CYP39A1: variants seen among roughly 807,000 people sequenced by gnomAD.
The protein encoded by CYP39A1 is cytochrome P450 family 39 subfamily A member 1.
Under a neutral mutation model 58.1 loss-of-function variants are expected in CYP39A1, and 49 were observed. That is an observed-to-expected ratio of 0.84 (90% CI 0.67 to 1.07). The LOEUF is 1.07. Among genes scored for constraint, CYP39A1 ranks in the 50% least tolerant of loss-of-function variants. The pLI, the probability that CYP39A1 is intolerant of heterozygous loss-of-function variation, is 0.00. For missense variants in CYP39A1, 531 were observed against 539.4 expected (o/e 0.98, Z 0.16); for synonymous variants, 209 against 187.6 (o/e 1.11, Z -0.93).
At chr6:46,649,567 T>C (rs1762540675) in intron 1 of CYP39A1, among the ~76,000 whole-genome samples, 1 of 152,226 alleles carries the variant, frequency 6.6e-6, no homozygotes, top group Admixed American at 6.5e-5. Context: ...TACTAATATG[T>C]AAAGAGTAAA....
chr6:46,550,863 G>A (rs1021850567), intron 11 of CYP39A1, among the ~76,000 whole-genome samples: 13 of 152,220 alleles, frequency 8.5e-5, no homozygotes, highest in African/African-American at 2.2e-4. Context: ...CACTTATAGC[G>A]TATTCATGAT....
In CYP39A1 at chr6:46,616,259, TCTTC is replaced by T. The variant is rs1211600924; in HGVS notation, c.931+9155_931+9158del. ...CCCTCCCTCCCTTCCTTCCTTCCTT[TCTTC>T]CTTCCTTCCTTCCTTCCTTCATCTT... On this transcript the variant is annotated intron_variant, in intron 7 of 11. Transcript: ENST00000275016. Among the ~76,000 whole-genome samples, 160 of 68,072 alleles carry T rather than the reference TCTTC, an allele frequency of 2.4e-3. 4 individuals are homozygous for T. The highest frequency in any genetic ancestry group is 2.3e-3 in the Non-Finnish European group (85 of 36,728). The allele number at this position is 68,072 out of a possible 152,430, so 44.7% of individuals were successfully genotyped here.
At chr6:46,574,163 G>A (rs964357728) in intron 10 of CYP39A1, among the ~76,000 whole-genome samples, 5 of 152,104 alleles carry the variant, frequency 3.3e-5, no homozygotes, top group Admixed American at 6.6e-5. Flanking sequence ...GCATAATATT[G>A]TCTGCTTTTC....
Position 46,645,317 on chromosome 6 carries a change from A to G in CYP39A1, c.178-3019T>C, listed in dbSNP as rs73471149. On this transcript the variant is annotated intron_variant, in intron 1 of 11. Transcript: ENST00000275016. ...CTATTTTGAGTTAATTTTATATCAGATATAGGACTTAGGTAGAAATTCATG... is the reference window on the plus strand; with the variant it reads ...CTATTTTGAGTTAATTTTATATCAGGTATAGGACTTAGGTAGAAATTCATG... Among the ~76,000 whole-genome samples, 1,124 of 152,262 alleles carry G rather than the reference A, an allele frequency of 7.4e-3. 18 individuals are homozygous for G. The highest frequency in any genetic ancestry group is 0.026 in the African/African-American group (1,066 of 41,554).
chr6:46,624,068 A>G (rs180969670), intron 7 of CYP39A1, among the ~76,000 whole-genome samples: 1 of 152,358 alleles, frequency 6.6e-6, no homozygotes, highest in East Asian at 1.9e-4. Flanking sequence ...TTTCTCCACT[A>G]GAACTGGGTT....
intron 3 of CYP39A1, among the ~76,000 whole-genome samples, chr6:46,639,170 TAAG>T (rs1413609354): frequency 2.0e-5 from 3 of 152,210 alleles, no homozygotes; most frequent in African/African-American, 7.2e-5. Context: ...ATGAAAATTA[TAAG>T]AAGAAAATCC....
intron 7 of CYP39A1, among the ~76,000 whole-genome samples, chr6:46,615,513 C>T (rs1369376308): frequency 6.6e-6 from 1 of 152,038 alleles, no homozygotes; most frequent in Non-Finnish European, 1.5e-5. Context: ...TTAACTAGAA[C>T]ACCTGTGTAC....
intron 7 of CYP39A1, among the ~76,000 whole-genome samples, chr6:46,602,311 GAGTT>G (rs962938468): frequency 2.0e-5 from 3 of 152,230 alleles, no homozygotes; most frequent in Admixed American, 6.5e-5. Flanking sequence ...AAGTAAAAAA[GAGTT>G]AGTAAAAACC....
intron 7 of CYP39A1, among the ~76,000 whole-genome samples, chr6:46,614,779 T>A (rs1015865730): frequency 3.9e-5 from 6 of 152,152 alleles, no homozygotes; most frequent in Non-Finnish European, 7.4e-5. Flanking sequence ...TTAAGTAGTT[T>A]ATGTAACTTT....
intron 2 of CYP39A1, among the ~76,000 whole-genome samples, chr6:46,640,399 G>A (rs150713932): frequency 6.6e-6 from 1 of 152,102 alleles, no homozygotes; most frequent in Non-Finnish European, 1.5e-5. Flanking sequence ...ATTTCTATTT[G>A]TCCTTCAAGT....
At chr6:46,570,539 T>C (rs558897606) in intron 10 of CYP39A1, among the ~76,000 whole-genome samples, 6 of 152,312 alleles carry the variant, frequency 3.9e-5, no homozygotes, top group Admixed American at 6.5e-5. Context: ...TTCGTTCATT[T>C]GTGTTGCTAT....
At chr6:46,609,555 T>C (rs1286384532) in intron 7 of CYP39A1, among the ~76,000 whole-genome samples, 1 of 152,202 alleles carries the variant, frequency 6.6e-6, no homozygotes. Flanking sequence ...TAGTTATGTC[T>C]TGTTGCCTCA....
At chr6:46,613,533 A>T (rs1774341226) in intron 7 of CYP39A1, among the ~76,000 whole-genome samples, 1 of 152,232 alleles carries the variant, frequency 6.6e-6, no homozygotes, top group African/African-American at 2.4e-5. Flanking sequence ...GTTCCTTGCA[A>T]ATTAACAGAA....
intron 7 of CYP39A1, among the ~76,000 whole-genome samples, chr6:46,603,669 T>G (rs1042847629): frequency 9.2e-5 from 14 of 152,226 alleles, no homozygotes; most frequent in African/African-American, 3.4e-4. Flanking sequence ...CTAAATTGAT[T>G]GAGACCTGTC....
At chr6:46,633,892 A>C (rs1203874478) in intron 5 of CYP39A1, among the ~76,000 whole-genome samples, 1 of 152,182 alleles carries the variant, frequency 6.6e-6, no homozygotes, top group Non-Finnish European at 1.5e-5. Flanking sequence ...CACACAAAAC[A>C]CACAAACACA....
At chr6:46,646,274 T>C (rs1762319195) in intron 1 of CYP39A1, among the ~76,000 whole-genome samples, 1 of 152,052 alleles carries the variant, frequency 6.6e-6, no homozygotes, top group African/African-American at 2.4e-5. Flanking sequence ...ATGTCCTTTA[T>C]TGAGTTAGGA....
At chr6:46,610,756 C>A (rs897311835) in intron 7 of CYP39A1, among the ~76,000 whole-genome samples, 1 of 152,272 alleles carries the variant, frequency 6.6e-6, no homozygotes, top group African/African-American at 2.4e-5. Flanking sequence ...GTACAGTAAT[C>A]TGAAAAGTGT....
chr6:46,619,893 T>A (rs1297395300), intron 7 of CYP39A1, among the ~76,000 whole-genome samples: 1 of 152,126 alleles, frequency 6.6e-6, no homozygotes, highest in African/African-American at 2.4e-5. Flanking sequence ...ATGGATGAAT[T>A]AAGGGTTAAT....
intron 7 of CYP39A1, among the ~76,000 whole-genome samples, chr6:46,623,480 C>A (rs9296502): frequency 0.19 from 29,040 of 151,890 alleles, 2,987 homozygotes; most frequent in African/African-American, 0.27. Context: ...TATTTGAATT[C>A]GTGGGCTCAG....
Sources: gnomAD v4.1 joint callset for allele counts (sites outside exome capture counted in the v4.1 genomes callset) on GRCh38, gnomAD v4.1.1 for gene constraint, MANE v1.5 for transcripts, NCBI Gene and HGNC (gene_info 2026-07-23, HGNC 2026-07-21) for gene names.